ZFAND3: variants seen among roughly 807,000 people sequenced by gnomAD.
The protein encoded by ZFAND3 is AN1-type zinc finger protein 3.
ZFAND3 carries 10 observed loss-of-function variants against 29.6 expected under a neutral mutation model. The observed-to-expected ratio is 0.34, with a 90% confidence interval of 0.21 to 0.57. The LOEUF is 0.57. Ranked by LOEUF, ZFAND3 falls within the 20% of genes least tolerant of loss-of-function variation. The probability of loss-of-function intolerance (pLI) is 0.86; values close to 1 mark genes in which losing one functional copy is unlikely to be tolerated. For synonymous variants in ZFAND3, 128 were observed against 112.6 expected (o/e 1.14, Z -0.87); for missense variants, 230 against 304.5 (o/e 0.76, Z 1.82).
chr6:38,136,943 T>C (rs115726029), intron 5 of ZFAND3, among the ~76,000 whole-genome samples: 248 of 152,366 alleles, frequency 1.6e-3, no homozygotes, highest in African/African-American at 5.7e-3. Flanking sequence ...GTTAATACTC[T>C]TGCATCAATT....
At chr6:37,975,289 C>T (rs543272953) in intron 2 of ZFAND3, among the ~76,000 whole-genome samples, 8 of 152,140 alleles carry the variant, frequency 5.3e-5, no homozygotes, top group South Asian at 2.1e-4. Context: ...TTTGTTCAAC[C>T]GTTGAAATTT....
Position 37,890,520 on chromosome 6 carries a change from T to C in ZFAND3, c.72-39439T>C, listed in dbSNP as rs1022575796. 2.6e-5 allele frequency among the ~76,000 whole-genome samples: 4 copies of C among 152,356 alleles called. No homozygotes were observed. The Middle Eastern group carries it at 0.01, about 389-fold the overall frequency. On this transcript the variant is annotated intron_variant, in intron 1 of 5. Coordinates refer to ENST00000287218, the MANE Select transcript of ZFAND3 (RefSeq NM_021943.3). ...TGCCTTTTCTGTAACATGTGATCTG[T>C]ATTGTTCTACCTCATTGGGTTGTGT...
intron 1 of ZFAND3, among the ~76,000 whole-genome samples, chr6:37,861,198 A>C (rs903698447): frequency 6.6e-5 from 10 of 152,194 alleles, no homozygotes; most frequent in Admixed American, 4.6e-4. Flanking sequence ...TGGAGGTTGC[A>C]GTGAGCCAAG....
chr6:38,089,232 C>T (rs927811485), intron 4 of ZFAND3, among the ~76,000 whole-genome samples: 2 of 152,056 alleles, frequency 1.3e-5, no homozygotes, highest in Non-Finnish European at 2.9e-5. Flanking sequence ...AAGTTATTCT[C>T]CTGCCTCACC....
intron 1 of ZFAND3, among the ~76,000 whole-genome samples, chr6:37,922,514 T>G (rs1160135521): frequency 6.6e-6 from 1 of 152,156 alleles, no homozygotes; most frequent in Non-Finnish European, 1.5e-5. Flanking sequence ...CAAAAGAAAA[T>G]AGTCATGCAT....
intron 5 of ZFAND3, among the ~76,000 whole-genome samples, chr6:38,138,654 A>G (rs1174713037): frequency 2.0e-5 from 3 of 152,206 alleles, no homozygotes; most frequent in African/African-American, 7.2e-5. Flanking sequence ...CATCATTTAG[A>G]TCTAACTAGA....
chr6:38,077,276 C>G (rs1764572950), intron 3 of ZFAND3, among the ~76,000 whole-genome samples: 1 of 151,902 alleles, frequency 6.6e-6, no homozygotes, highest in Admixed American at 6.6e-5. Flanking sequence ...CCAGAATTAC[C>G]TTTAGAACTG....
In ZFAND3 at chr6:38,129,026, G is replaced by GC. The variant is rs995849818; in HGVS notation, c.529+12288dup. On this transcript the variant is annotated intron_variant, in intron 5 of 5. Transcript: ENST00000287218. The stretch of plus-strand genomic sequence containing the variant: ...TGATTTTTTGATTATGATCATTCTT[G>GC]CAGGAGTAAGGTAGTATTGCATTGT... Among the ~76,000 whole-genome samples, 11 of 152,258 alleles carry GC rather than the reference G, an allele frequency of 7.2e-5. 1 individual carries two copies. The highest frequency in any genetic ancestry group is 3.3e-4 in the Admixed American group (5 of 15,300).
At chr6:37,880,122 C>G (rs993400089) in intron 1 of ZFAND3, among the ~76,000 whole-genome samples, 2 of 152,032 alleles carry the variant, frequency 1.3e-5, no homozygotes, top group African/African-American at 4.8e-5. Flanking sequence ...GGTGAATGGA[C>G]AAAAAGCCAA....
intron 5 of ZFAND3, among the ~76,000 whole-genome samples, chr6:38,148,500 C>T (rs912720134): frequency 3.3e-5 from 5 of 152,116 alleles, no homozygotes; most frequent in Non-Finnish European, 7.3e-5. Context: ...TAAGGCTGGC[C>T]TAGCTAACAT....
At chr6:38,116,187 C>G (rs1235555554) in intron 4 of ZFAND3, among the ~76,000 whole-genome samples, 3 of 152,078 alleles carry the variant, frequency 2.0e-5, no homozygotes, top group African/African-American at 7.2e-5. Context: ...AAGCAAATGC[C>G]CAAGAAAAGA....
chr6:38,110,780 G>A (rs1261932359), intron 4 of ZFAND3, among the ~76,000 whole-genome samples: 1 of 152,148 alleles, frequency 6.6e-6, no homozygotes, highest in Non-Finnish European at 1.5e-5. Context: ...CTTTGTTGCC[G>A]CATTGCTTCT....
intron 1 of ZFAND3, among the ~76,000 whole-genome samples, chr6:37,823,012 G>T (rs1445225995): frequency 6.6e-6 from 1 of 152,184 alleles, no homozygotes; most frequent in Non-Finnish European, 1.5e-5. Flanking sequence ...TTTATCCTGA[G>T]TGCAGTGAGG....
chr6:38,022,106 T>C (rs1309854674), intron 2 of ZFAND3, among the ~76,000 whole-genome samples: 1 of 152,232 alleles, frequency 6.6e-6, no homozygotes, highest in African/African-American at 2.4e-5. Flanking sequence ...CCTTATCACC[T>C]GAGAGCTTGT....
intron 2 of ZFAND3, among the ~76,000 whole-genome samples, chr6:37,999,953 C>A (rs889554252): frequency 1.1e-4 from 16 of 152,008 alleles, no homozygotes; most frequent in African/African-American, 3.4e-4. Flanking sequence ...TCTGTACTAT[C>A]CTGGCAACCT....
chr6:37,954,364 C>T (rs528992062), intron 2 of ZFAND3, among the ~76,000 whole-genome samples: 1 of 152,280 alleles, frequency 6.6e-6, no homozygotes, highest in African/African-American at 2.4e-5. Context: ...AACTGATGCT[C>T]TTATTTTTTT....
chr6:37,925,203 G>A (rs1406648874), intron 1 of ZFAND3, among the ~76,000 whole-genome samples: 1 of 152,128 alleles, frequency 6.6e-6, no homozygotes, highest in Non-Finnish European at 1.5e-5. Context: ...TAGCTGCTAT[G>A]TGGAAAAATC....
At chr6:38,007,071 G>C (rs1242679897) in intron 2 of ZFAND3, among the ~76,000 whole-genome samples, 2 of 152,128 alleles carry the variant, frequency 1.3e-5, no homozygotes, top group East Asian at 1.9e-4. Context: ...TGAAGAGAAA[G>C]TGATGGACAT....
At chr6:38,151,008 CT>C (rs1254761004) in intron 5 of ZFAND3, among the ~76,000 whole-genome samples, 2 of 152,192 alleles carry the variant, frequency 1.3e-5, no homozygotes, top group African/African-American at 2.4e-5. Flanking sequence ...TGGCAGGTGT[CT>C]TCCTAGCCCT....
Sources: allele counts gnomAD v4.1 joint callset (sites outside exome capture counted in the v4.1 genomes callset), GRCh38; gene constraint gnomAD v4.1.1; transcripts MANE v1.5; gene names NCBI Gene and HGNC (gene_info 2026-07-23, HGNC 2026-07-21).